XYLT1: variants seen among roughly 807,000 people sequenced by gnomAD.
XYLT1 encodes xylosyltransferase 1.
XYLT1 carries 36 observed loss-of-function variants against 91.3 expected under a neutral mutation model. The ratio of observed to expected loss-of-function variants is 0.39; its 90% CI spans 0.30 to 0.52. The LOEUF (loss-of-function observed/expected upper bound fraction) is 0.52. Among genes scored for constraint, XYLT1 ranks in the 20% least tolerant of loss-of-function variants. The pLI is 0.68. For synonymous variants in XYLT1, 588 were observed against 532.0 expected, an observed-to-expected ratio of 1.11 and a Z score of -1.45; for missense variants, 1,242 against 1,284.5, an observed-to-expected ratio of 0.97 and a Z score of 0.51.
intron 2 of XYLT1, among the ~76,000 whole-genome samples, chr16:17,340,676 A>C (rs2035053339): frequency 6.6e-6 from 1 of 152,234 alleles, no homozygotes. Context: ...GAAAGAGGGC[A>C]TAACAACCAT....
chr16:17,351,930 G>A (rs1319016260), intron 2 of XYLT1, among the ~76,000 whole-genome samples: 4 of 152,086 alleles, frequency 2.6e-5, no homozygotes, highest in Admixed American at 2.6e-4. Flanking sequence ...GACTGCTTGA[G>A]CCCAGAAGTT....
At chr16:17,448,343 C>T (rs962366295) in intron 1 of XYLT1, among the ~76,000 whole-genome samples, 15 of 151,964 alleles carry the variant, frequency 9.9e-5, no homozygotes, top group South Asian at 2.1e-4. Context: ...CCAGCCTGGG[C>T]GCAGACAGAG....
At chr16:17,237,901 G>T (rs138780670) in intron 3 of XYLT1, among the ~76,000 whole-genome samples, 1 of 152,190 alleles carries the variant, frequency 6.6e-6, no homozygotes, top group Non-Finnish European at 1.5e-5. Context: ...TGGTCCAGGC[G>T]TAAGGCTGGC....
chr16:17,305,949 C>T (rs1200947433), intron 2 of XYLT1, among the ~76,000 whole-genome samples: 1 of 152,132 alleles, frequency 6.6e-6, no homozygotes, highest in African/African-American at 2.4e-5. Context: ...CCTCTCACTC[C>T]TCTGGCTAAG....
chr16:17,122,759 G>A (rs1199993629), intron 10 of XYLT1, among the ~76,000 whole-genome samples: 1 of 152,162 alleles, frequency 6.6e-6, no homozygotes, highest in Non-Finnish European at 1.5e-5. Flanking sequence ...GTTGATTATT[G>A]TATAAGGTGA....
chr16:17,296,039 C>A (rs1046887924), intron 2 of XYLT1, among the ~76,000 whole-genome samples: 2 of 126,946 alleles, frequency 1.6e-5, no homozygotes, highest in Non-Finnish European at 3.2e-5. Context: ...AGAAAAGACA[C>A]CTTTTTTTTT....
At chr16:17,395,520 A>T (rs1020366056) in intron 1 of XYLT1, among the ~76,000 whole-genome samples, 2 of 152,214 alleles carry the variant, frequency 1.3e-5, no homozygotes, top group Non-Finnish European at 2.9e-5. Context: ...TAAAAAAATA[A>T]AAATAATCAC....
At chr16:17,166,334 C>G (rs551640889) in intron 5 of XYLT1, among the ~76,000 whole-genome samples, 23 of 152,104 alleles carry the variant, frequency 1.5e-4, no homozygotes, top group Non-Finnish European at 3.1e-4. Flanking sequence ...CTGGGATGAG[C>G]AGGCATTGAG....
At chr16:17,338,165 G>T (rs1401986115) in intron 2 of XYLT1, 4 of 456,260 alleles carry the variant, frequency 8.8e-6, no homozygotes, top group Non-Finnish European at 1.3e-5. Flanking sequence ...CCCCTGAACT[G>T]AATGTCCCCT....
chr16:17,203,069 C>T (rs2032572869), intron 3 of XYLT1, among the ~76,000 whole-genome samples: 1 of 152,170 alleles, frequency 6.6e-6, no homozygotes, highest in Non-Finnish European at 1.5e-5. Flanking sequence ...GGTCACACTG[C>T]TTTAATTAGT....
chr16:17,235,967 A>G (rs946513063), intron 3 of XYLT1, among the ~76,000 whole-genome samples: 2 of 152,166 alleles, frequency 1.3e-5, no homozygotes, highest in African/African-American at 4.8e-5. Context: ...CCCGGGTTCA[A>G]GCAATTCTCC....
At chr16:17,237,794 G>A (rs1000377767) in intron 3 of XYLT1, among the ~76,000 whole-genome samples, 4 of 152,170 alleles carry the variant, frequency 2.6e-5, no homozygotes, top group Admixed American at 2.0e-4. Context: ...GTGACACTGG[G>A]GGTTCAGTCC....
chr16:17,133,801 G>A (rs1425343395), intron 9 of XYLT1, among the ~76,000 whole-genome samples: 2 of 152,198 alleles, frequency 1.3e-5, no homozygotes, highest in South Asian at 2.1e-4. Context: ...TTCCTGAAGT[G>A]TTGGCAGTTA....
chr16:17,308,113 A>G (rs1338357878), intron 2 of XYLT1, among the ~76,000 whole-genome samples: 2 of 152,152 alleles, frequency 1.3e-5, no homozygotes, highest in East Asian at 3.8e-4. Flanking sequence ...AGAGTGAGAG[A>G]GCTTGAAGGC....
At chr16:17,379,755 TCTCTCTCTCACACACACACA>T (rs2035649841) in intron 1 of XYLT1, among the ~76,000 whole-genome samples, 2 of 130,348 alleles carry the variant, frequency 1.5e-5, no homozygotes, top group Non-Finnish European at 3.2e-5. Flanking sequence ...TCTCTCTCTC[TCTCTCTCTCACACACACACA>T]CACACACACA....
At chr16:17,412,879 T>A (rs183368865) in intron 1 of XYLT1, among the ~76,000 whole-genome samples, 34 of 152,322 alleles carry the variant, frequency 2.2e-4, no homozygotes, top group Admixed American at 4.6e-4. Flanking sequence ...CAGAAGAATG[T>A]GTAACTGGTC....
chr16:17,283,621 AC>A (rs1352314173), intron 2 of XYLT1, among the ~76,000 whole-genome samples: 1 of 152,218 alleles, frequency 6.6e-6, no homozygotes, highest in Admixed American at 6.5e-5. Context: ...TGAAATGACA[AC>A]AATGAAAGAC....
At chr16:17,227,082 C>A (rs1218639369) in intron 3 of XYLT1, 1 of 152,236 alleles carries the variant, frequency 6.6e-6, no homozygotes, top group African/African-American at 2.4e-5. Flanking sequence ...CTCCTGAGCA[C>A]AGTGGAGCCA....
At chr16:17,195,270 A>G (rs1392497740) in intron 5 of XYLT1, among the ~76,000 whole-genome samples, 1 of 152,122 alleles carries the variant, frequency 6.6e-6, no homozygotes, top group Non-Finnish European at 1.5e-5. Flanking sequence ...CAGCAGTGCC[A>G]CTGCTAGGAA....
Sources: gnomAD v4.1 joint callset for allele counts (sites outside exome capture counted in the v4.1 genomes callset) on GRCh38, gnomAD v4.1.1 for gene constraint, MANE v1.5 for transcripts, NCBI Gene and HGNC (gene_info 2026-07-23, HGNC 2026-07-21) for gene names.